THSD4: variants seen among roughly 807,000 people sequenced by gnomAD.
The protein encoded by THSD4 is thrombospondin type 1 domain containing 4, also known as thrombospondin type-1 domain-containing protein 4.
A neutral mutation model predicts 119.0 loss-of-function variants in THSD4; 69 were observed. The ratio of observed to expected loss-of-function variants is 0.58; its 90% confidence interval spans 0.48 to 0.71. The LOEUF is 0.71. THSD4 is among the 30% of genes least tolerant of loss of function. The probability of loss-of-function intolerance (pLI) is 0.00; values close to 1 mark genes in which losing one functional copy is unlikely to be tolerated. For synonymous variants in THSD4, 524 were observed against 540.4 expected, an observed-to-expected ratio of 0.97 and a Z score of 0.42; for missense variants, 1,393 against 1,391.1, an observed-to-expected ratio of 1.00 and a Z score of -0.02.
At chr15:71,641,302 G>T (rs1237739847) in intron 7 of THSD4, among the ~76,000 whole-genome samples, 1 of 151,770 alleles carries the variant, frequency 6.6e-6, no homozygotes, top group African/African-American at 2.4e-5. Flanking sequence ...CCAATGTCTT[G>T]GGACCACAGA....
chr15:71,547,700 G>A, intron 7 of THSD4: 2 of 498,178 alleles, frequency 4.0e-6, no homozygotes, highest in Non-Finnish European at 6.5e-6. Context: ...GAAGCTGTCT[G>A]TGCAGTTGCC....
chr15:71,435,828 G>C (rs2047005873), intron 7 of THSD4, among the ~76,000 whole-genome samples: 1 of 152,166 alleles, frequency 6.6e-6, no homozygotes. Context: ...GACTTTCCCA[G>C]CACTAACCAG....
chr15:71,539,715 G>A (rs1188631704), intron 7 of THSD4, among the ~76,000 whole-genome samples: 2 of 152,094 alleles, frequency 1.3e-5, no homozygotes, highest in Non-Finnish European at 2.9e-5. Context: ...TCTGTTTTCT[G>A]GTATCTAAGA....
At chr15:71,363,168 T>G (rs2165487) in intron 6 of THSD4, among the ~76,000 whole-genome samples, 32,354 of 152,004 alleles carry the variant, frequency 0.21, 4,031 homozygotes, top group East Asian at 0.54. Context: ...GGGCCAGCTA[T>G]TGACTATTTT....
intron 7 of THSD4, among the ~76,000 whole-genome samples, chr15:71,610,157 A>AT (rs1243467895): frequency 3.3e-5 from 5 of 152,234 alleles, no homozygotes; most frequent in Non-Finnish European, 1.5e-5. Context: ...AAAGCATCAG[A>AT]TTGATAAGTA....
intron 5 of THSD4, among the ~76,000 whole-genome samples, chr15:71,246,085 C>CGA (rs1487330084): frequency 6.6e-6 from 1 of 152,094 alleles, no homozygotes; most frequent in Non-Finnish European, 1.5e-5. Context: ...ATACAGATGC[C>CGA]GAGCTTTGAC....
intron 6 of THSD4, among the ~76,000 whole-genome samples, chr15:71,348,834 C>CAG (rs1471434802): frequency 1.3e-5 from 2 of 152,236 alleles, no homozygotes; most frequent in African/African-American, 4.8e-5. Context: ...TGTTTTGAGA[C>CAG]AGCAGCATCT....
At chr15:71,402,623 G>A (rs1157014944) in intron 6 of THSD4, among the ~76,000 whole-genome samples, 1 of 152,208 alleles carries the variant, frequency 6.6e-6, no homozygotes, top group African/African-American at 2.4e-5. Context: ...AATTGAGACA[G>A]GGTGGGCCTT....
rs192269621 is a variant in THSD4, at chr15:71,492,411, C to T, written c.1152+80588C>T. On this transcript the variant is annotated intron_variant, in intron 7 of 17. Transcript: ENST00000261862. ...TCCCAAGCAGCTGGGACCACAGGTG[C>T]GCACCACCATGCCCATCTATTTTTG... Among the ~76,000 whole-genome samples, 355 of 151,688 alleles carry T rather than the reference C, an allele frequency of 2.3e-3. 1 individual carries two copies. The highest frequency in any genetic ancestry group is 4.5e-3 in the Non-Finnish European group (303 of 67,958).
intron 7 of THSD4, among the ~76,000 whole-genome samples, chr15:71,591,333 T>C (rs1381465288): frequency 1.3e-5 from 2 of 152,244 alleles, no homozygotes; most frequent in Non-Finnish European, 1.5e-5. Flanking sequence ...TGCCTACCTT[T>C]GGTCTAAGCT....
At chr15:71,260,628 C>T (rs546001408) in intron 6 of THSD4, among the ~76,000 whole-genome samples, 3 of 152,194 alleles carry the variant, frequency 2.0e-5, no homozygotes, top group East Asian at 3.9e-4. Flanking sequence ...TGGCTGCATT[C>T]CAGGGAATCA....
intron 8 of THSD4, among the ~76,000 whole-genome samples, chr15:71,717,891 G>A (rs9920304): frequency 0.2 from 30,415 of 152,098 alleles, 4,889 homozygotes; most frequent in African/African-American, 0.44. Context: ...GCTTATGCCT[G>A]TAATCCCAGC....
chr15:71,225,831 G>T lies in THSD4; in HGVS notation c.464+10432G>T, dbSNP rs541803235. Among the ~76,000 whole-genome samples, 15 of 152,214 alleles carry T rather than the reference G, an allele frequency of 9.9e-5. No homozygotes were observed. In the South Asian group the frequency reaches 2.9e-3, roughly 29 times the overall value. The stretch of plus-strand genomic sequence containing the variant: ...GCTGGGATTACAGGCGTGAGCTACC[G>T]TGCTAGGCCTCAAACACCTTTCCAA... On this transcript the variant is annotated intron_variant, in intron 4 of 17. Coordinates refer to ENST00000261862, the MANE Select transcript of THSD4 (RefSeq NM_024817.3).
intron 7 of THSD4, among the ~76,000 whole-genome samples, chr15:71,600,850 G>A (rs557237670): frequency 3.3e-5 from 5 of 151,484 alleles, no homozygotes; most frequent in Admixed American, 1.3e-4. Flanking sequence ...GGGTTCAAAC[G>A]ATTCACCTGC....
chr15:71,452,407 A>C (rs878857137), intron 7 of THSD4, among the ~76,000 whole-genome samples: 3 of 151,668 alleles, frequency 2.0e-5, no homozygotes, highest in African/African-American at 7.3e-5. Flanking sequence ...GCATGAGGTG[A>C]AGGAAAAAGT....
intron 8 of THSD4, 143 bp from the exon 9 acceptor site, chr15:71,728,406 C>T (rs1471428029): frequency 3.0e-6 from 3 of 989,888 alleles, no homozygotes; most frequent in East Asian, 2.5e-5. Flanking sequence ...TAATGGCGCC[C>T]CAGGGCCTGG....
At chr15:71,255,381 C>G (rs1239275245) in intron 5 of THSD4, among the ~76,000 whole-genome samples, 1 of 152,218 alleles carries the variant, frequency 6.6e-6, no homozygotes, top group East Asian at 1.9e-4. Context: ...TTATGCCACA[C>G]TTTGCTCATA....
chr15:71,341,716 C>T (rs769797891), intron 6 of THSD4: 2 of 1,054,244 alleles, frequency 1.9e-6, no homozygotes, highest in Admixed American at 3.4e-5. Flanking sequence ...GAACCATTTT[C>T]ACAGATTACC....
At chr15:71,315,562 T>G (rs571820300) in intron 6 of THSD4, among the ~76,000 whole-genome samples, 1 of 152,258 alleles carries the variant, frequency 6.6e-6, no homozygotes, top group Non-Finnish European at 1.5e-5. Flanking sequence ...CTGTGTCCTC[T>G]GTGGTCAGTC....
Sources: allele counts gnomAD v4.1 joint callset (sites outside exome capture counted in the v4.1 genomes callset), GRCh38; gene constraint gnomAD v4.1.1; transcripts MANE v1.5; gene names NCBI Gene and HGNC (gene_info 2026-07-23, HGNC 2026-07-21).